TBX15: variants seen among roughly 807,000 people sequenced by gnomAD.
The protein encoded by TBX15 is T-box transcription factor 15, also known as T-box transcription factor TBX15.
TBX15 carries 18 observed loss-of-function variants against 53.9 expected under a neutral mutation model. The observed-to-expected ratio is 0.33, with a 90% CI of 0.23 to 0.49. The LOEUF (loss-of-function observed/expected upper bound fraction) is 0.49. Ranked by LOEUF, TBX15 falls within the 20% of genes least tolerant of loss-of-function variation. The pLI, the probability that TBX15 is intolerant of heterozygous loss-of-function variation, is 0.98. For synonymous variants in TBX15, 295 were observed against 278.0 expected (o/e 1.06, Z -0.61); for missense variants, 692 against 749.5 (o/e 0.92, Z 0.90).
intron 6 of TBX15, among the ~76,000 whole-genome samples, chr1:118,904,194 C>A (rs565760690): frequency 1.1e-4 from 17 of 152,182 alleles, no homozygotes; most frequent in African/African-American, 4.1e-4. Context: ...TGGTGCTATG[C>A]CTCTGATCCC....
Position 118,923,504 on chromosome 1 carries a change from C to T in TBX15, c.793G>A (p.Asp265Asn). The change falls in exon 5 of 8, where the codon GAT (aspartate) becomes AAT (asparagine). Residue 265 changes from aspartate to asparagine, a missense_variant. By Grantham distance (23) the Asp-to-Asn change is conservative. Around this residue, in one of 3 missense-constraint regions of TBX15, gnomAD observed 307 missense variants for 347.5 expected, o/e 0.88. Coordinates refer to ENST00000369429, the MANE Select transcript of TBX15 (RefSeq NM_001330677.2). ...GGAAAGTTGAACGTTTTCACCCCAT[C>T]CCCAACAGGAACAGGCTTAGTGGGT... Reference protein sequence around the residue: ...LSPTKPVPVGDGVKTFNFPET... With the variant: ...LSPTKPVPVGNGVKTFNFPET... 1 of 1,613,970 alleles carries T rather than the reference C, an allele frequency of 6.2e-7. No homozygotes were observed. Among genetic ancestry groups the T allele is most frequent in the Non-Finnish European group, 8.5e-7 (1 of 1,179,924 alleles).
intron 7 of TBX15, among the ~76,000 whole-genome samples, chr1:118,887,343 G>A (rs1401395303): frequency 6.6e-6 from 1 of 152,176 alleles, no homozygotes; most frequent in Non-Finnish European, 1.5e-5. Context: ...GTATAAAAGA[G>A]CAGGAATAAG....
chr1:118,885,560 G>A (rs1414192545), intron 7 of TBX15, 44 bp from the exon 8 acceptor site: 2 of 1,549,248 alleles, frequency 1.3e-6, no homozygotes, highest in African/African-American at 2.7e-5. Context: ...AGTCTTTTAA[G>A]ATGAGTCTGC....
chr1:118,909,119 G>C (rs1207193587), intron 6 of TBX15, among the ~76,000 whole-genome samples: 3 of 152,220 alleles, frequency 2.0e-5, no homozygotes, highest in South Asian at 2.1e-4. Flanking sequence ...GGCACCACAG[G>C]ACTGAAATGT....
chr1:118,884,832 C>T lies in TBX15; in HGVS notation c.1709G>A (p.Ser570Asn). 1 of 1,614,142 alleles carries T rather than the reference C, an allele frequency of 6.2e-7. No individual in the cohort carries two copies. Among genetic ancestry groups the T allele is most frequent in the Non-Finnish European group, 8.5e-7 (1 of 1,180,020 alleles). Residue 570 changes from serine (S) to asparagine (N), a missense_variant, in exon 8 of 8, where the codon AGC becomes AAC. Physicochemically the swap from Ser to Asn is conservative, Grantham distance 46 (BLOSUM62 1). This residue lies in a region of TBX15 where 375 missense variants were observed against 371.6 expected (regional missense o/e 1.01). Transcript: ENST00000369429. ...SGMEHSMHMI[S>N]PSPNNQQATN... ...TGCCTGTTGGTTATTGGGTGAAGGG[C>T]TAATCATGTGCATGCTGTGCTCCAT... is the stretch of plus-strand genomic sequence containing the variant.
At chr1:118,929,856 C>CA (rs11315618) in intron 2 of TBX15, among the ~76,000 whole-genome samples, 44 of 151,306 alleles carry the variant, frequency 2.9e-4, no homozygotes, top group South Asian at 1.7e-3. Context: ...ATCTTATAGA[C>CA]AAAAAAAAAA....
At chr1:118,930,878 T>C (rs2101611648) in intron 2 of TBX15, among the ~76,000 whole-genome samples, 1 of 152,350 alleles carries the variant, frequency 6.6e-6, no homozygotes, top group East Asian at 1.9e-4. Flanking sequence ...CCAAGCTAAT[T>C]AATGTCTTTC....
At chr1:118,964,650 T>C (rs1023066908) in intron 1 of TBX15, among the ~76,000 whole-genome samples, 3 of 152,246 alleles carry the variant, frequency 2.0e-5, no homozygotes, top group Non-Finnish European at 2.9e-5. Context: ...AATAAATAGT[T>C]GTCAAATTTC....
In TBX15 at chr1:118,914,316, T is replaced by C. The variant is rs960281232; in HGVS notation, c.862-137A>G. The C allele has an allele frequency of 1.0e-5, 9 of 889,972 alleles. No homozygotes were observed. The African/African-American group carries it at 1.5e-4, about 15-fold the overall frequency. 55.1% of individuals were successfully genotyped at this position (889,972 alleles called of 1,614,324 possible). ...AATTTCCTTTCAGCTCAAGATTTAA[T>C]TTGAAGCTGGATATAGAACTTGGCC... is the stretch of plus-strand genomic sequence containing the variant. On this transcript the variant is annotated intron_variant, in intron 5 of 7. Transcript: ENST00000369429.
Position 118,884,682 on chromosome 1 carries a change from A to G in TBX15, c.*50T>C, listed in dbSNP as rs966627256. Reference sequence around the variant, plus strand: ...CCCAAAGAGGAGGATCTGACCACGGAGACTCTGGGGCCTTGATTGCCAAAT... The same window carrying G: ...CCCAAAGAGGAGGATCTGACCACGGGGACTCTGGGGCCTTGATTGCCAAAT... On this transcript the variant is annotated 3_prime_UTR_variant, in exon 8 of 8. Coordinates refer to ENST00000369429, the MANE Select transcript of TBX15 (RefSeq NM_001330677.2). 5.0e-6 allele frequency: 8 copies of G among 1,609,502 alleles called. No homozygotes were observed. The Admixed American group carries it at 5.0e-5, about 10-fold the overall frequency.
intron 2 of TBX15, among the ~76,000 whole-genome samples, chr1:118,929,443 G>A (rs984705769): frequency 1.3e-5 from 2 of 152,194 alleles, no homozygotes; most frequent in African/African-American, 4.8e-5. Flanking sequence ...AAAATTCACA[G>A]AAGAGAAAGC....
At position 118,884,201 on chromosome 1, in the gene TBX15, ACTCC is replaced by A; in HGVS notation, c.*527_*530del. ...AAAGACTGGCAGCTACTGCTGGCCC[ACTCC>A]ATCTAGAGTTGTACACAGACAAATT... On this transcript the variant is annotated 3_prime_UTR_variant, in exon 8 of 8. Coordinates refer to ENST00000369429, the MANE Select transcript of TBX15 (RefSeq NM_001330677.2). The A allele has an allele frequency of 6.3e-6, 1 of 158,328 alleles. No individual in the cohort carries two copies. The allele number at this position is 158,328 out of a possible 1,614,324, so 9.8% of individuals were successfully genotyped here. A position where few individuals can be genotyped will look rare whatever the true frequency, so the allele number is the denominator to read the frequency against.
chr1:118,903,551 C>T (rs1654709172), intron 6 of TBX15, among the ~76,000 whole-genome samples: 1 of 151,860 alleles, frequency 6.6e-6, no homozygotes, highest in Admixed American at 6.6e-5. Flanking sequence ...TTCTGACTTC[C>T]TTAATTTTTA....
rs1005317141 is a variant in TBX15, at chr1:118,914,451, G to A, written c.862-272C>T. Among the ~76,000 whole-genome samples, 8 of 152,300 alleles carry A rather than the reference G, an allele frequency of 5.3e-5. 2 individuals carry two copies. The South Asian group carries it at 1.7e-3, about 32-fold the overall frequency. On this transcript the variant is annotated intron_variant, in intron 5 of 7. Coordinates refer to ENST00000369429, the MANE Select transcript of TBX15 (RefSeq NM_001330677.2). ...TACTCACCTTCCTTGCCCCAGAGTG[G>A]TGGTAAATCACTTGCCTAGACAGAT...
At chr1:118,943,380 G>A (rs1325947) in intron 1 of TBX15, among the ~76,000 whole-genome samples, 2,135 of 152,278 alleles carry the variant, frequency 0.014, 63 homozygotes, top group African/African-American at 0.048. Flanking sequence ...GAGAAATGGT[G>A]GAAAGGCAGA....
At chr1:118,980,180 G>A (rs1461326803) in intron 1 of TBX15, among the ~76,000 whole-genome samples, 2 of 152,212 alleles carry the variant, frequency 1.3e-5, no homozygotes, top group African/African-American at 4.8e-5. Flanking sequence ...GAAAATTGGG[G>A]GAGGGGAAGT....
At chr1:118,947,529 A>C (rs1309405034) in intron 1 of TBX15, among the ~76,000 whole-genome samples, 1 of 152,166 alleles carries the variant, frequency 6.6e-6, no homozygotes, top group Non-Finnish European at 1.5e-5. Context: ...GCCTCAGTTG[A>C]CACATCTGTG....
At position 118,885,578 on chromosome 1, in the gene TBX15, A is replaced by G. The variant is rs1653912569; in HGVS notation, c.1025-62T>C. The G allele has an allele frequency of 3.2e-6, 5 of 1,543,398 alleles. No individual in the cohort carries two copies. The South Asian group carries it at 4.8e-5, about 15-fold the overall frequency. On this transcript the variant is annotated intron_variant, in intron 7 of 7. Coordinates refer to ENST00000369429, the MANE Select transcript of TBX15 (RefSeq NM_001330677.2). Reference sequence around the variant, plus strand: ...CTTTTAAGATGAGTCTGCCTAAGTCACATGCAAGCCATACAGGAGGTGCCT... The same window carrying G: ...CTTTTAAGATGAGTCTGCCTAAGTCGCATGCAAGCCATACAGGAGGTGCCT...
At chr1:118,933,795 C>A (rs1006179637) in intron 1 of TBX15, among the ~76,000 whole-genome samples, 2 of 152,030 alleles carry the variant, frequency 1.3e-5, no homozygotes, top group African/African-American at 4.8e-5. Flanking sequence ...TTTCAAAAAA[C>A]CTCCTCAGAA....
Sources: allele counts gnomAD v4.1 joint callset (sites outside exome capture counted in the v4.1 genomes callset), GRCh38; gene constraint gnomAD v4.1.1; regional missense constraint gnomAD v4.1.1; transcripts MANE v1.5; gene names NCBI Gene and HGNC (gene_info 2026-07-23, HGNC 2026-07-21).